Variants in RYR3 observed in about 807,000 individuals in gnomAD.
The protein encoded by RYR3 is ryanodine receptor 3, also known as brain ryanodine receptor-calcium release channel.
A neutral mutation model predicts 584.3 loss-of-function variants in RYR3; 207 were observed. That is an observed-to-expected ratio of 0.35 (90% CI 0.32 to 0.40). The LOEUF is 0.40. Among genes scored for constraint, RYR3 ranks in the 10% least tolerant of loss-of-function variants. The pLI is 1.00. For missense variants in RYR3, 5,616 were observed against 6,089.2 expected (o/e 0.92, Z 2.59); for synonymous variants, 2,416 against 2,248.5 (o/e 1.07, Z -2.11).
intron 31 of RYR3, 138 bp downstream of exon 31, chr15:33,649,373 A>G: frequency 1.3e-6 from 1 of 787,378 alleles, no homozygotes; most frequent in South Asian, 1.8e-5. Context: ...CAGACTTCAA[A>G]GAAACAAACC....
intron 1 of RYR3, among the ~76,000 whole-genome samples, chr15:33,457,285 A>T (rs2047642076): frequency 6.6e-6 from 1 of 152,172 alleles, no homozygotes; most frequent in African/African-American, 2.4e-5. Flanking sequence ...CGGTATGTCA[A>T]AGAGATATCT....
At chr15:33,413,532 G>C (rs1465019716) in intron 1 of RYR3, among the ~76,000 whole-genome samples, 1 of 152,172 alleles carries the variant, frequency 6.6e-6, no homozygotes, top group Non-Finnish European at 1.5e-5. Context: ...TCTGATTTAG[G>C]GACAGGAGTG....
intron 62 of RYR3, 34 bp downstream of exon 62, chr15:33,769,206 A>T: frequency 6.8e-7 from 1 of 1,461,446 alleles, no homozygotes; most frequent in Middle Eastern, 1.7e-4. Context: ...ATAGTTTCTC[A>T]TGACTTCCTC....
In RYR3 at chr15:33,801,782, A is replaced by G. The variant is rs114005656; in HGVS notation, c.9919-87A>G. The G allele has an allele frequency of 4.4e-5, 31 of 703,080 alleles. No homozygotes were observed. The Admixed American group carries it at 7.9e-4, about 18-fold the overall frequency. 43.6% of individuals were successfully genotyped at this position (703,080 alleles called of 1,614,324 possible). The stretch of plus-strand genomic sequence containing the variant: ...TCACCTCGGCTGAGAGGAGGGGTCT[A>G]TTCCGTTACTTGGGGAGCTTAGAAT... On this transcript the variant is annotated intron_variant, in intron 68 of 103. Coordinates refer to ENST00000634891, the MANE Select transcript of RYR3 (RefSeq NM_001036.6).
intron 88 of RYR3, 138 bp downstream of exon 88, chr15:33,837,125 C>T (rs1346464449): frequency 1.2e-5 from 8 of 647,308 alleles, no homozygotes; most frequent in African/African-American, 3.6e-5. Flanking sequence ...TTTTCAGAAA[C>T]GAAAAATAAA....
At position 33,663,466 on chromosome 15, in the gene RYR3, C is replaced by T. The variant is rs538014429; in HGVS notation, c.5419-71C>T. 1.3e-5 allele frequency: 17 copies of T among 1,325,004 alleles called. 1 individual carries two copies. The Middle Eastern group carries it at 6.5e-4, about 51-fold the overall frequency. 82.1% of individuals were successfully genotyped at this position (1,325,004 alleles called of 1,614,324 possible). A position where few individuals can be genotyped will look rare whatever the true frequency, so the allele number is the denominator to read the frequency against. ...TTTGTCTAAGTCTCAGTGCTACTGTCTGTAAAATGGGCATGCTAGCAGCCT... is the reference window on the plus strand; with the variant it reads ...TTTGTCTAAGTCTCAGTGCTACTGTTTGTAAAATGGGCATGCTAGCAGCCT... On this transcript the variant is annotated intron_variant, in intron 35 of 103. Coordinates refer to ENST00000634891, the MANE Select transcript of RYR3 (RefSeq NM_001036.6).
Position 33,662,516 on chromosome 15 carries a change from G to T in RYR3, c.4986G>T (p.Lys1662Asn). ...LPGVGLRTCL[K>N]PGFRFSTPCF... ...GGGTGGGCCTGAGAACATGTCTCAA[G>T]CCCGGGTTCAGGTTCTCCACCCCTT... Residue 1662 changes from lysine to asparagine, a missense_variant, in exon 35 of 104, where the codon AAG (lysine) becomes AAT (asparagine). Coordinates refer to ENST00000634891, the MANE Select transcript of RYR3 (RefSeq NM_001036.6). The T allele has an allele frequency of 1.2e-6, 2 of 1,614,020 alleles. No individual in the cohort carries two copies. The highest frequency in any genetic ancestry group is 1.7e-6 in the Non-Finnish European group (2 of 1,179,894).
intron 1 of RYR3, among the ~76,000 whole-genome samples, chr15:33,328,125 CCAAATA>C (rs1969957473): frequency 6.6e-6 from 1 of 152,072 alleles, no homozygotes; most frequent in Non-Finnish European, 1.5e-5. Context: ...ATAGCATGTG[CCAAATA>C]AACATATGCA....
At chr15:33,705,770 T>C (rs2066664115) in intron 42 of RYR3, among the ~76,000 whole-genome samples, 1 of 152,176 alleles carries the variant, frequency 6.6e-6, no homozygotes, top group Non-Finnish European at 1.5e-5. Flanking sequence ...ACAGCTGTTG[T>C]GGATGCAGAA....
At position 33,828,566 on chromosome 15, in the gene RYR3, C is replaced by T. The variant is rs184248651; in HGVS notation, c.11334+1279C>T. 1.4e-4 allele frequency among the ~76,000 whole-genome samples: 22 copies of T among 152,284 alleles called. No individual in the cohort carries two copies. In the South Asian group the frequency reaches 1.7e-3, roughly 11 times the overall value. ...CCTCATTACTGAAATGGGGACAGTG[C>T]GAGTGGTCTGGATAAAAGGTCAAAC... On this transcript the variant is annotated intron_variant, in intron 85 of 103. Coordinates refer to ENST00000634891, the MANE Select transcript of RYR3 (RefSeq NM_001036.6).
chr15:33,441,490 ATAGG>A (rs2046227492), intron 1 of RYR3, among the ~76,000 whole-genome samples: 1 of 152,158 alleles, frequency 6.6e-6, no homozygotes, highest in African/African-American at 2.4e-5. Context: ...ATGAGGGAAG[ATAGG>A]TGGGGAGTTG....
intron 2 of RYR3, among the ~76,000 whole-genome samples, chr15:33,480,764 A>G (rs570590437): frequency 2.0e-5 from 3 of 152,286 alleles, no homozygotes; most frequent in East Asian, 3.9e-4. Flanking sequence ...TTTATGGCCC[A>G]GCATATGGTC....
chr15:33,606,755 A>G (rs139591337), intron 18 of RYR3, among the ~76,000 whole-genome samples: 1 of 152,194 alleles, frequency 6.6e-6, no homozygotes, highest in African/African-American at 2.4e-5. Flanking sequence ...TTCTGCTCAG[A>G]GCAGCCTACA....
intron 100 of RYR3, 52 bp from the exon 101 acceptor site, chr15:33,860,543 C>A: frequency 9.3e-7 from 1 of 1,080,688 alleles, no homozygotes; most frequent in Non-Finnish European, 1.3e-6. Flanking sequence ...TATCATTCCT[C>A]TACCCCTGAA....
At position 33,687,976 on chromosome 15, in the gene RYR3, G is replaced by A. The variant is rs374927920; in HGVS notation, c.5861-8242G>A. On this transcript the variant is annotated intron_variant, in intron 38 of 103. Transcript: ENST00000634891. ...ATAAAAACCGTAGAAGAAAACCTAG[G>A]CAATACCATTCAGGACGTAAGCATG... 9.2e-5 allele frequency among the ~76,000 whole-genome samples: 14 copies of A among 152,238 alleles called. 1 individual carries two copies. In the East Asian group the frequency reaches 2.5e-3, roughly 27 times the overall value.
chr15:33,762,532 T>C (rs1336420613), intron 60 of RYR3, among the ~76,000 whole-genome samples: 1 of 152,114 alleles, frequency 6.6e-6, no homozygotes, highest in Non-Finnish European at 1.5e-5. Context: ...ACAAAGAGCA[T>C]AAAATACGTA....
At chr15:33,624,242 A>G (rs1395701651) in intron 20 of RYR3, among the ~76,000 whole-genome samples, 1 of 152,238 alleles carries the variant, frequency 6.6e-6, no homozygotes, top group Non-Finnish European at 1.5e-5. Context: ...TACGTGTGTT[A>G]TATTCTGTGA....
At chr15:33,696,617 C>A in intron 39 of RYR3, 126 bp downstream of exon 39, 1 of 1,021,228 alleles carries the variant, frequency 9.8e-7, no homozygotes, top group Non-Finnish European at 1.4e-6. Flanking sequence ...ATTCCAATTT[C>A]ACTCCTCATG....
chr15:33,799,833 T>C (rs2075826152), intron 67 of RYR3, among the ~76,000 whole-genome samples: 1 of 152,182 alleles, frequency 6.6e-6, no homozygotes, highest in Non-Finnish European at 1.5e-5. Context: ...ATTTGAATTG[T>C]AGGACATTCA....
Sources: allele counts gnomAD v4.1 joint callset (sites outside exome capture counted in the v4.1 genomes callset), GRCh38; gene constraint gnomAD v4.1.1; transcripts MANE v1.5; gene names NCBI Gene and HGNC (gene_info 2026-07-23, HGNC 2026-07-21).